Variants in APBB2 observed in about 807,000 individuals in gnomAD.
The protein encoded by APBB2 is amyloid beta precursor protein binding family B member 2, also known as Fe65-like 1.
APBB2 carries 38 observed loss-of-function variants against 82.5 expected under a neutral mutation model. The observed-to-expected ratio is 0.46, with a 90% confidence interval of 0.36 to 0.60. The LOEUF is 0.60. Ranked by LOEUF, APBB2 falls within the 20% of genes least tolerant of loss-of-function variation. The pLI is 0.00. For missense variants in APBB2, 772 were observed against 972.3 expected (o/e 0.79, Z 2.74); for synonymous variants, 341 against 368.2 (o/e 0.93, Z 0.85).
intron 17 of APBB2, among the ~76,000 whole-genome samples, chr4:40,820,905 G>T (rs1337300640): frequency 6.6e-6 from 1 of 151,706 alleles, no homozygotes; most frequent in East Asian, 2.0e-4. Context: ...TTTCCCTCTT[G>T]TTGCCCAGGC....
intron 6 of APBB2, among the ~76,000 whole-genome samples, chr4:41,011,977 C>T (rs1276342363): frequency 6.6e-6 from 1 of 152,118 alleles, no homozygotes; most frequent in African/African-American, 2.4e-5. Context: ...ATCCTCCTGC[C>T]TCAGCCTCCT....
At chr4:41,034,469 C>T (rs7680069) in intron 4 of APBB2, among the ~76,000 whole-genome samples, 25,746 of 152,062 alleles carry the variant, frequency 0.17, 2,378 homozygotes, top group Non-Finnish European at 0.21. Context: ...GGATTACAGG[C>T]GCGCATCACC....
chr4:40,890,569 T>C, intron 11 of APBB2, 78 bp from the exon 12 acceptor site: 1 of 1,563,334 alleles, frequency 6.4e-7, no homozygotes, highest in African/African-American at 1.4e-5. Context: ...CATCTAGGAA[T>C]GCCGTGTCAA....
At chr4:41,097,850 G>A (rs1744071497) in intron 3 of APBB2, among the ~76,000 whole-genome samples, 1 of 152,128 alleles carries the variant, frequency 6.6e-6, no homozygotes, top group African/African-American at 2.4e-5. Flanking sequence ...AGGTTAAAAA[G>A]AAGTGTGGAG....
Position 40,969,373 on chromosome 4 carries a change from T to C in APBB2, c.836-24300A>G, listed in dbSNP as rs182173531. On this transcript the variant is annotated intron_variant, in intron 6 of 17. Coordinates refer to ENST00000508593, the MANE Select transcript of APBB2 (RefSeq NM_004307.2). ...GGAAGCTGTTTTTTGCAGGACTGTA[T>C]GTACCACATTCATGAGTTTAGAATT... 1.5e-4 allele frequency among the ~76,000 whole-genome samples: 23 copies of C among 152,360 alleles called. No individual in the cohort carries two copies. The East Asian group carries it at 4.2e-3, about 28-fold the overall frequency.
chr4:40,904,684 C>CTT (rs5857754), intron 10 of APBB2, among the ~76,000 whole-genome samples: 34,170 of 133,726 alleles, frequency 0.26, 5,073 homozygotes, highest in East Asian at 0.54. Context: ...TTTGTTATTG[C>CTT]TTTTTTTTTT....
chr4:40,858,521 T>G (rs1273913607), intron 12 of APBB2, among the ~76,000 whole-genome samples: 2 of 150,822 alleles, frequency 1.3e-5, no homozygotes, highest in African/African-American at 4.9e-5. Flanking sequence ...TTTGGCTATA[T>G]TCAAAGTCTC....
At chr4:41,093,815 T>C (rs897510280) in intron 3 of APBB2, among the ~76,000 whole-genome samples, 9 of 151,548 alleles carry the variant, frequency 5.9e-5, no homozygotes, top group African/African-American at 1.9e-4. Context: ...GATTGTGCCA[T>C]TGCACTCCAG....
intron 6 of APBB2, among the ~76,000 whole-genome samples, chr4:40,958,103 G>A (rs796210634): frequency 9.2e-5 from 14 of 152,050 alleles, no homozygotes; most frequent in South Asian, 4.2e-4. Context: ...ACCATCCATC[G>A]GTCCATCCAT....
chr4:40,996,169 T>C (rs1579098797), intron 6 of APBB2, among the ~76,000 whole-genome samples: 1 of 152,240 alleles, frequency 6.6e-6, no homozygotes, highest in African/African-American at 2.4e-5. Context: ...AGAAATGGGA[T>C]GTGTCATCAC....
intron 6 of APBB2, among the ~76,000 whole-genome samples, chr4:40,968,325 T>C (rs566465099): frequency 1.9e-4 from 29 of 152,242 alleles, no homozygotes; most frequent in Non-Finnish European, 3.4e-4. Context: ...AGTACAGTGC[T>C]CGTAGATGCA....
chr4:41,164,078 G>T (rs1467464951), intron 1 of APBB2, among the ~76,000 whole-genome samples: 1 of 152,190 alleles, frequency 6.6e-6, no homozygotes, highest in East Asian at 1.9e-4. Context: ...TCTGCATAAG[G>T]AAGTATCTTG....
intron 6 of APBB2, among the ~76,000 whole-genome samples, chr4:41,007,916 G>T (rs955825864): frequency 2.0e-5 from 3 of 152,140 alleles, no homozygotes; most frequent in Non-Finnish European, 4.4e-5. Flanking sequence ...AGATAAACAT[G>T]ATAGCAGAAA....
chr4:40,854,776 C>T (rs563557912), intron 12 of APBB2, among the ~76,000 whole-genome samples: 26 of 123,534 alleles, frequency 2.1e-4, no homozygotes, highest in African/African-American at 5.2e-4. Context: ...GCGATAAGAG[C>T]GAAAGTCCAT....
At chr4:40,888,673 A>G (rs559826163) in intron 12 of APBB2, among the ~76,000 whole-genome samples, 2 of 150,676 alleles carry the variant, frequency 1.3e-5, no homozygotes, top group East Asian at 3.9e-4. Flanking sequence ...TAATGTAACA[A>G]GCTCCACACT....
chr4:40,863,929 GT>G (rs1763419834), intron 12 of APBB2, among the ~76,000 whole-genome samples: 2 of 144,466 alleles, frequency 1.4e-5, no homozygotes, highest in South Asian at 4.4e-4. Flanking sequence ...AAGCCAGGGA[GT>G]TGTGGACTAA....
intron 1 of APBB2, among the ~76,000 whole-genome samples, chr4:41,195,711 C>G: frequency 3.9e-5 from 6 of 152,100 alleles, no homozygotes; most frequent in African/African-American, 1.4e-4. Context: ...ACCTTCAGCC[C>G]TACCCTTAGA....
chr4:40,982,550 C>T (rs1281796350), intron 6 of APBB2, among the ~76,000 whole-genome samples: 4 of 151,570 alleles, frequency 2.6e-5, no homozygotes, highest in Non-Finnish European at 5.9e-5. Context: ...AGGTGGATTG[C>T]TTGAGCTCAG....
intron 6 of APBB2, among the ~76,000 whole-genome samples, chr4:40,981,467 T>C (rs978045872): frequency 6.6e-6 from 1 of 152,112 alleles, no homozygotes; most frequent in African/African-American, 2.4e-5. Flanking sequence ...AAGCTGAAAA[T>C]GAATCAGTGT....
Sources: gnomAD v4.1 joint callset for allele counts (sites outside exome capture counted in the v4.1 genomes callset) on GRCh38, gnomAD v4.1.1 for gene constraint, MANE v1.5 for transcripts, NCBI Gene and HGNC (gene_info 2026-07-23, HGNC 2026-07-21) for gene names.